IL1RAPL2: variants seen among roughly 807,000 people sequenced by gnomAD.
IL1RAPL2 encodes interleukin 1 receptor accessory protein like 2, also known as X-linked interleukin-1 receptor accessory protein-like 2.
IL1RAPL2 carries 3 observed loss-of-function variants against 44.1 expected under a neutral mutation model. The observed-to-expected ratio is 0.07, with a 90% CI of 0.03 to 0.18. IL1RAPL2 has a LOEUF of 0.18. IL1RAPL2 is among the 10% of genes least tolerant of loss of function. The pLI is 1.00. For missense variants in IL1RAPL2, 391 were observed against 496.4 expected, an observed-to-expected ratio of 0.79 and a Z score of 2.02; for synonymous variants, 181 against 178.8, an observed-to-expected ratio of 1.01 and a Z score of -0.10.
intron 6 of IL1RAPL2, among the ~76,000 whole-genome samples, chrX:105,682,208 G>A (rs148494876): frequency 8.9e-6 from 1 of 111,912 alleles, no homozygotes; most frequent in African/African-American, 3.2e-5. Context: ...TATAAAAATA[G>A]ATGAATATAT....
At chrX:104,715,762 C>T (rs934912771) in intron 2 of IL1RAPL2, among the ~76,000 whole-genome samples, 3 of 109,523 alleles carry the variant, frequency 2.7e-5, no homozygotes, top group African/African-American at 6.6e-5. Context: ...AGAACTATAA[C>T]CCACTACTCA....
intron 3 of IL1RAPL2, among the ~76,000 whole-genome samples, chrX:105,199,029 A>G (rs369573364): frequency 2.7e-5 from 3 of 111,485 alleles, no homozygotes; most frequent in African/African-American, 9.8e-5. Flanking sequence ...AGTCTTTGGA[A>G]GAAAGTTGTT....
rs190553819 is a variant in IL1RAPL2, at chrX:105,070,273, C to T, written c.83-125202C>T. On this transcript the variant is annotated intron_variant, in intron 2 of 10. Coordinates refer to ENST00000372582, the MANE Select transcript of IL1RAPL2 (RefSeq NM_017416.2). ...AGTGAAGATATTCCACTAGGAAGGG[C>T]ACCTTCCCCCAACCCTTCAGGCTTC... Among the ~76,000 whole-genome samples the T allele has an allele frequency of 3.5e-4, 39 of 111,780 alleles. No individual in the cohort carries two copies. The East Asian group carries it at 6.5e-3, about 19-fold the overall frequency.
At chrX:105,561,314 T>G (rs1380494522) in intron 6 of IL1RAPL2, among the ~76,000 whole-genome samples, 1 of 111,777 alleles carries the variant, frequency 8.9e-6, no homozygotes, top group Middle Eastern at 4.2e-3. Context: ...CCCCTTCACC[T>G]TGGGAGCTAG....
At chrX:105,227,494 A>G (rs1318064479) in intron 3 of IL1RAPL2, among the ~76,000 whole-genome samples, 1 of 112,333 alleles carries the variant, frequency 8.9e-6, no homozygotes, top group Admixed American at 9.4e-5. Flanking sequence ...AAAGTGACAA[A>G]AATGAGTTCA....
intron 2 of IL1RAPL2, among the ~76,000 whole-genome samples, chrX:105,056,996 A>G (rs1455012500): frequency 9.0e-6 from 1 of 111,653 alleles, no homozygotes; most frequent in Non-Finnish European, 1.9e-5. Context: ...ATTGATGTGC[A>G]TGGTGATGAC....
rs1171985440 is a variant in IL1RAPL2 at position 105,268,605 on chromosome X, A to T, written c.697+1064A>T. 6.2e-4 allele frequency among the ~76,000 whole-genome samples: 44 copies of T among 70,530 alleles called. No individual in the cohort carries two copies. The African/African-American group carries it at 0.021, about 33-fold the overall frequency. 61.2% of individuals were successfully genotyped at this position (70,530 alleles called of 115,157 possible). A position where few individuals can be genotyped will look rare whatever the true frequency, so the allele number is the denominator to read the frequency against. ...ACATGGGGAAACCCTGTCTCTACTAAAAAAAAAAAAAAAATTAGCCAGGCG... is the reference window on the plus strand; with the variant it reads ...ACATGGGGAAACCCTGTCTCTACTATAAAAAAAAAAAAAATTAGCCAGGCG... On this transcript the variant is annotated intron_variant, in intron 5 of 10. Transcript: ENST00000372582.
chrX:105,622,732 A>C (rs2037428588), intron 6 of IL1RAPL2, among the ~76,000 whole-genome samples: 1 of 111,326 alleles, frequency 9.0e-6, no homozygotes, highest in Admixed American at 9.6e-5. Context: ...TGTTAGGTAA[A>C]ATCTCTTTCC....
Position 104,599,695 on chromosome X carries a change from C to CACAT in IL1RAPL2, c.-20+32644_-20+32645insACAT, listed in dbSNP as rs59388140. 7.7e-5 allele frequency among the ~76,000 whole-genome samples: 8 copies of CACAT among 104,385 alleles called. No homozygotes were observed. In the East Asian group the frequency reaches 2.1e-3, roughly 28 times the overall value. 90.6% of individuals were successfully genotyped at this position (104,385 alleles called of 115,157 possible). A position where few individuals can be genotyped will look rare whatever the true frequency, so the allele number is the denominator to read the frequency against. ...ACACACACACACACACACACACACA[C>CACAT]GTAATCATTTAAAAAGGTTGGTGGA... On this transcript the variant is annotated intron_variant, in intron 1 of 10. Transcript: ENST00000372582.
intron 2 of IL1RAPL2, among the ~76,000 whole-genome samples, chrX:104,956,313 A>T (rs1385703246): frequency 6.3e-5 from 7 of 111,800 alleles, no homozygotes; most frequent in Non-Finnish European, 1.1e-4. Flanking sequence ...TCTGGGCCTC[A>T]ATTTCACCAT....
intron 2 of IL1RAPL2, among the ~76,000 whole-genome samples, chrX:105,120,982 A>G (rs1469183937): frequency 9.0e-6 from 1 of 111,113 alleles, no homozygotes; most frequent in Non-Finnish European, 1.9e-5. Context: ...AAAGCAAAAG[A>G]TGGATGCTGC....
chrX:105,260,950 A>C (rs1603036973), intron 4 of IL1RAPL2, among the ~76,000 whole-genome samples: 1 of 112,249 alleles, frequency 8.9e-6, no homozygotes, highest in South Asian at 3.7e-4. Context: ...CCCTGGGTTC[A>C]GCCTCTTTCC....
At chrX:105,205,094 G>C (rs1180573639) in intron 3 of IL1RAPL2, among the ~76,000 whole-genome samples, 1 of 110,537 alleles carries the variant, frequency 9.0e-6, no homozygotes. Context: ...AGTGAAGAAG[G>C]GTCATGTTAG....
rs1400880944 is a variant in IL1RAPL2, at chrX:104,585,336, TTATATATTATATATATTA to T, written c.-20+18310_-20+18327del. ...TAATATATATTATATATAATATATA[TTATATATTATATATATTA>T]TATATATTATATATATTATATATAA... On this transcript the variant is annotated intron_variant, in intron 1 of 10. Coordinates refer to ENST00000372582, the MANE Select transcript of IL1RAPL2 (RefSeq NM_017416.2). Among the ~76,000 whole-genome samples, 56 of 17,641 alleles carry T rather than the reference TTATATATTATATATATTA, an allele frequency of 3.2e-3. 2 individuals are homozygous for T. Among genetic ancestry groups the T allele is most frequent in the African/African-American group, 0.022 (43 of 1,996 alleles). 15.3% of individuals were successfully genotyped at this position (17,641 alleles called of 115,157 possible). A position where few individuals can be genotyped will look rare whatever the true frequency, so the allele number is the denominator to read the frequency against.
At chrX:104,991,217 A>G in intron 2 of IL1RAPL2, among the ~76,000 whole-genome samples, 1 of 111,741 alleles carries the variant, frequency 8.9e-6, no homozygotes, top group Non-Finnish European at 1.9e-5. Flanking sequence ...ATTTATGTAC[A>G]AGATAGTAAT....
intron 2 of IL1RAPL2, among the ~76,000 whole-genome samples, chrX:105,068,592 T>C (rs961680516): frequency 3.6e-5 from 4 of 111,866 alleles, no homozygotes; most frequent in African/African-American, 1.3e-4. Context: ...TGAGTGAGCA[T>C]TGGTTAGAAA....
chrX:104,794,905 T>C lies in IL1RAPL2; in HGVS notation c.82+135910T>C, dbSNP rs1273518262. Among the ~76,000 whole-genome samples, 6 of 111,794 alleles carry C rather than the reference T, an allele frequency of 5.4e-5. No individual in the cohort carries two copies. In the East Asian group the frequency reaches 1.7e-3, roughly 32 times the overall value. ...CTCTGTAACCATGTTCCCCTTCCTC[T>C]TTATTCAGGTTTTCAGCATATACAA... On this transcript the variant is annotated intron_variant, in intron 2 of 10. Coordinates refer to ENST00000372582, the MANE Select transcript of IL1RAPL2 (RefSeq NM_017416.2).
intron 1 of IL1RAPL2, among the ~76,000 whole-genome samples, chrX:104,611,261 G>A (rs992297313): frequency 2.2e-4 from 25 of 111,393 alleles, no homozygotes; most frequent in African/African-American, 8.2e-4. Context: ...TGCCCACAGA[G>A]CACCTTCCCC....
At chrX:105,586,332 T>TA (rs2037128425) in intron 6 of IL1RAPL2, among the ~76,000 whole-genome samples, 1 of 111,780 alleles carries the variant, frequency 8.9e-6, no homozygotes, top group South Asian at 3.7e-4. Context: ...TGGCAATTTT[T>TA]AAAAAGTCAA....
Sources: allele counts gnomAD v4.1 joint callset (sites outside exome capture counted in the v4.1 genomes callset), GRCh38; gene constraint gnomAD v4.1.1; transcripts MANE v1.5; gene names NCBI Gene and HGNC (gene_info 2026-07-23, HGNC 2026-07-21).